GRIA2: variants seen among roughly 807,000 people sequenced by gnomAD.
The protein encoded by GRIA2 is glutamate receptor 2.
Under a neutral mutation model 97.3 loss-of-function variants are expected in GRIA2, and 14 were observed. The ratio of observed to expected loss-of-function variants is 0.14; its 90% CI spans 0.10 to 0.23. GRIA2 has a LOEUF of 0.23. Ranked by LOEUF, GRIA2 falls within the 10% of genes least tolerant of loss-of-function variation. GRIA2 has a pLI of 1.00. For missense variants in GRIA2, 558 were observed against 1,069.8 expected, an observed-to-expected ratio of 0.52 and a Z score of 6.67; for synonymous variants, 412 against 387.8, an observed-to-expected ratio of 1.06 and a Z score of -0.73.
At chr4:157,230,212 A>C (rs1428449580) in intron 2 of GRIA2, among the ~76,000 whole-genome samples, 1 of 152,180 alleles carries the variant, frequency 6.6e-6, no homozygotes, top group Non-Finnish European at 1.5e-5. Context: ...TTCATTTTAC[A>C]ATTTCTCTAG....
chr4:157,362,988 T>A lies in GRIA2; in HGVS notation c.2596T>A (p.Phe866Ile). Residue 866 changes from phenylalanine (F) to isoleucine (I), a missense_variant, in exon 15 of 16, where the codon TTT becomes ATT. By Grantham distance (21) the Phe-to-Ile change is conservative (BLOSUM62 0). This residue lies in a region of GRIA2 where 54 missense variants were observed against 82.1 expected (regional missense o/e 0.66). Coordinates refer to ENST00000264426, the MANE Select transcript of GRIA2 (RefSeq NM_001083619.3). ...NPSSSQNSQN[F>I]ATYKEGYNVY... The stretch of plus-strand genomic sequence containing the variant: ...ATCTTCCTCGCAGAATTCACAGAAT[T>A]TTGCAACTTATAAGGAAGGTTACAA... 6.2e-7 allele frequency: 1 copy of A among 1,613,464 alleles called. No homozygotes were observed.
intron 2 of GRIA2, among the ~76,000 whole-genome samples, chr4:157,299,782 C>G (rs1469423362): frequency 6.6e-6 from 1 of 152,136 alleles, no homozygotes; most frequent in Admixed American, 6.6e-5. Context: ...CTGAGTTTCT[C>G]AAAGTTGATA....
rs1161091468 is a variant in GRIA2 at position 157,220,849 on chromosome 4, G to A, written c.-194G>A. ...ACTTCTGGAGCGGGGACAGGGCGCA[G>A]GGCATCAGCAGCCACCAGCAGGACC... On this transcript the variant is annotated 5_prime_UTR_variant, in exon 1 of 16. Coordinates refer to ENST00000264426, the MANE Select transcript of GRIA2 (RefSeq NM_001083619.3). 3.4e-6 allele frequency: 2 copies of A among 591,628 alleles called. No individual in the cohort carries two copies. The highest frequency in any genetic ancestry group is 1.9e-5 in the African/African-American group (1 of 53,424). The allele number at this position is 591,628 out of a possible 1,614,324, so 36.6% of individuals were successfully genotyped here.
chr4:157,259,952 C>T (rs527952301), intron 2 of GRIA2, among the ~76,000 whole-genome samples: 42 of 152,230 alleles, frequency 2.8e-4, no homozygotes, highest in African/African-American at 9.1e-4. Flanking sequence ...TTGCACAATT[C>T]TGTCAGTTCA....
chr4:157,232,405 G>C (rs536642837), intron 2 of GRIA2, among the ~76,000 whole-genome samples: 1 of 152,090 alleles, frequency 6.6e-6, no homozygotes, highest in South Asian at 2.1e-4. Context: ...ATCTTTATTC[G>C]TGTGTTATCT....
rs763554666 is a variant in GRIA2 at position 157,360,045 on chromosome 4, G to A, written c.2193G>A (p.Glu731=). 19 of 1,613,836 alleles carry A rather than the reference G, an allele frequency of 1.2e-5. No individual in the cohort carries two copies. In the East Asian group the frequency reaches 3.8e-4, roughly 32 times the overall value. ...YAYLLESTMN[E]YIEQRKPCDT... ...ACTTGTTGGAGTCCACGATGAACGAGTACATTGAGCAAAGGAAGCCTTGCG... is the reference window on the plus strand; with the variant it reads ...ACTTGTTGGAGTCCACGATGAACGAATACATTGAGCAAAGGAAGCCTTGCG... The change falls in exon 13 of 16, where the codon GAG becomes GAA. Residue 731 remains glutamate (E), a synonymous_variant. Coordinates refer to ENST00000264426, the MANE Select transcript of GRIA2 (RefSeq NM_001083619.3).
intron 2 of GRIA2, among the ~76,000 whole-genome samples, chr4:157,237,297 T>A (rs2126707825): frequency 6.6e-6 from 1 of 152,020 alleles, no homozygotes; most frequent in African/African-American, 2.4e-5. Flanking sequence ...AAGTTTTTTT[T>A]TTTTTTTTTA....
chr4:157,263,801 T>G (rs1332225503), intron 2 of GRIA2, among the ~76,000 whole-genome samples: 1 of 152,096 alleles, frequency 6.6e-6, no homozygotes, highest in Non-Finnish European at 1.5e-5. Context: ...GTCAGGAAGA[T>G]GAAGTTCTCT....
chr4:157,259,746 C>T (rs1464158864), intron 2 of GRIA2, among the ~76,000 whole-genome samples: 1 of 152,078 alleles, frequency 6.6e-6, no homozygotes, highest in East Asian at 1.9e-4. Flanking sequence ...TCTAACTTGT[C>T]CTCCACACTT....
chr4:157,325,887 C>T (rs996074339), intron 6 of GRIA2, among the ~76,000 whole-genome samples: 2 of 152,294 alleles, frequency 1.3e-5, no homozygotes, highest in African/African-American at 4.8e-5. Flanking sequence ...CCGTTCACCC[C>T]TGCCCCTGTT....
intron 13 of GRIA2, 61 bp from the exon 14 acceptor site, chr4:157,360,949 A>C: frequency 8.1e-7 from 1 of 1,236,378 alleles, no homozygotes; most frequent in Non-Finnish European, 1.2e-6. Context: ...ATTAAAACAA[A>C]ACAAACAAAA....
chr4:157,275,009 C>T (rs1469184001), intron 2 of GRIA2, among the ~76,000 whole-genome samples: 1 of 151,672 alleles, frequency 6.6e-6, no homozygotes, highest in South Asian at 2.1e-4. Context: ...TCCTATTTCT[C>T]CACATCCTCT....
chr4:157,234,946 C>T (rs1419556584), intron 2 of GRIA2, among the ~76,000 whole-genome samples: 1 of 152,036 alleles, frequency 6.6e-6, no homozygotes, highest in African/African-American at 2.4e-5. Flanking sequence ...TACATATGAA[C>T]TTTGTGTAGT....
At chr4:157,242,067 T>C (rs1730534852) in intron 2 of GRIA2, among the ~76,000 whole-genome samples, 2 of 152,130 alleles carry the variant, frequency 1.3e-5, no homozygotes, top group South Asian at 2.1e-4. Context: ...TTATCTTTGC[T>C]ATCTTACTCT....
At chr4:157,281,334 G>A (rs994654372) in intron 2 of GRIA2, among the ~76,000 whole-genome samples, 1 of 151,876 alleles carries the variant, frequency 6.6e-6, no homozygotes, top group African/African-American at 2.4e-5. Context: ...TGTTTTTTGG[G>A]TACTCGGATC....
intron 2 of GRIA2, among the ~76,000 whole-genome samples, chr4:157,239,363 A>G (rs1730395845): frequency 6.6e-6 from 1 of 151,816 alleles, no homozygotes; most frequent in Non-Finnish European, 1.5e-5. Context: ...AAGATGTGCA[A>G]TTTTTGTTTA....
chr4:157,278,875 A>G (rs1732468368), intron 2 of GRIA2, among the ~76,000 whole-genome samples: 1 of 152,116 alleles, frequency 6.6e-6, no homozygotes, highest in South Asian at 2.1e-4. Context: ...GCATATAAAA[A>G]GACTTTCCAC....
chr4:157,336,034 A>G (rs1367256053), intron 10 of GRIA2, among the ~76,000 whole-genome samples, 157 bp downstream of exon 10: 1 of 152,066 alleles, frequency 6.6e-6, no homozygotes, highest in Admixed American at 6.6e-5. Flanking sequence ...TGAAAGATTA[A>G]GATTGAAGCC....
At chr4:157,221,332 G>A in intron 1 of GRIA2, 1 of 561,708 alleles carries the variant, frequency 1.8e-6, no homozygotes, top group Non-Finnish European at 3.1e-6. Flanking sequence ...AGAAGAAAAG[G>A]TCCTCTCATT....
Sources: gnomAD v4.1 joint callset for allele counts (sites outside exome capture counted in the v4.1 genomes callset) on GRCh38, gnomAD v4.1.1 for gene constraint, gnomAD v4.1.1 regional missense constraint, MANE v1.5 for transcripts, NCBI Gene and HGNC (gene_info 2026-07-23, HGNC 2026-07-21) for gene names.